PHF3: variants seen among roughly 807,000 people sequenced by gnomAD.
PHF3 encodes PHD finger protein 3.
Under a neutral mutation model 178.4 loss-of-function variants are expected in PHF3, and 41 were observed. That is an observed-to-expected ratio of 0.23 (90% CI 0.18 to 0.30). The LOEUF is 0.30. Ranked by LOEUF, PHF3 falls within the 10% of genes least tolerant of loss-of-function variation. The pLI is 1.00. For synonymous variants in PHF3, 842 were observed against 800.5 expected, an observed-to-expected ratio of 1.05 and a Z score of -0.88; for missense variants, 2,346 against 2,398.1, an observed-to-expected ratio of 0.98 and a Z score of 0.45.
chr6:63,706,707 G>C, intron 12 of PHF3, 22 bp from the exon 13 acceptor site: 1 of 1,609,640 alleles, frequency 6.2e-7, no homozygotes, highest in Non-Finnish European at 8.5e-7. Context: ...TTGTCTTTAG[G>C]CTTTTTAATG....
intron 2 of PHF3, among the ~76,000 whole-genome samples, chr6:63,674,681 A>G (rs1368537430): frequency 1.3e-5 from 2 of 152,086 alleles, no homozygotes; most frequent in East Asian, 1.9e-4. Context: ...TTTTCTTACT[A>G]TACTTAACAC....
chr6:63,716,558 A>G lies in PHF3; in HGVS notation c.*2850A>G, dbSNP rs962199239. Among the ~76,000 whole-genome samples, 5 of 152,080 alleles carry G rather than the reference A, an allele frequency of 3.3e-5. No individual in the cohort carries two copies. The highest frequency in any genetic ancestry group is 1.2e-4 in the African/African-American group (5 of 41,410). On this transcript the variant is annotated 3_prime_UTR_variant, in exon 16 of 16. Transcript: ENST00000262043. ...ATTACTACAAGTGTAGTGGCTTAAA[A>G]CCACACAAATTTATGATCTTACGGT...
intron 2 of PHF3, among the ~76,000 whole-genome samples, chr6:63,653,293 G>T (rs561230905): frequency 3.3e-5 from 5 of 151,674 alleles, no homozygotes; most frequent in African/African-American, 1.2e-4. Context: ...AGGTAATGTG[G>T]TCATTTTCAC....
At position 63,676,319 on chromosome 6, in the gene PHF3, G is replaced by A. The variant is rs577131120; in HGVS notation, c.245-3681G>A. On this transcript the variant is annotated intron_variant, in intron 2 of 15. Transcript: ENST00000262043. ...GTGCAGCTTACACTCTAGTGGAGAAGACTGTCAGATACTTAATGTCATATA... is the reference window on the plus strand; with the variant it reads ...GTGCAGCTTACACTCTAGTGGAGAAAACTGTCAGATACTTAATGTCATATA... Among the ~76,000 whole-genome samples, 9 of 152,328 alleles carry A rather than the reference G, an allele frequency of 5.9e-5. 1 individual carries two copies. The East Asian group carries it at 1.3e-3, about 23-fold the overall frequency.
chr6:63,649,343 GT>G (rs1764926752), intron 2 of PHF3, among the ~76,000 whole-genome samples: 2 of 152,058 alleles, frequency 1.3e-5, no homozygotes, highest in South Asian at 2.1e-4. Context: ...AAACAACATA[GT>G]TCTTGCCCAG....
chr6:63,644,117 A>G (rs1205609598), intron 1 of PHF3, among the ~76,000 whole-genome samples: 2 of 152,182 alleles, frequency 1.3e-5, no homozygotes, highest in Admixed American at 6.5e-5. Flanking sequence ...TAACAAGTGC[A>G]TTTACTTTTT....
At chr6:63,641,524 G>GTGTA (rs758583511) in intron 1 of PHF3, among the ~76,000 whole-genome samples, 1 of 114,734 alleles carries the variant, frequency 8.7e-6, no homozygotes, top group Non-Finnish European at 1.7e-5. Flanking sequence ...ATTGTTAGGT[G>GTGTA]TGTATGTGTG....
intron 2 of PHF3, among the ~76,000 whole-genome samples, chr6:63,650,930 G>T (rs1429926550): frequency 6.6e-6 from 1 of 151,784 alleles, no homozygotes; most frequent in East Asian, 1.9e-4. Context: ...GGGGTTGGTG[G>T]GGCTATTTGT....
At chr6:63,658,131 G>A (rs914703104) in intron 2 of PHF3, among the ~76,000 whole-genome samples, 3 of 152,150 alleles carry the variant, frequency 2.0e-5, no homozygotes, top group Non-Finnish European at 4.4e-5. Flanking sequence ...AAGGCTTTCA[G>A]TTAATCCTTA....
chr6:63,713,552 T>G lies in PHF3; in HGVS notation c.5964T>G (p.Asp1988Glu), dbSNP rs750317666. ...DRGTDGKASR[D>E]SRNVDKKPDK... ...GAACAGATGGAAAAGCAAGCAGAGA[T>G]AGTAGGAATGTAGACAAGAAGCCAG... is the stretch of plus-strand genomic sequence containing the variant. The change falls in exon 16 of 16, where the codon GAT becomes GAG. Residue 1988 changes from aspartate (D) to glutamate (E), a missense_variant. By Grantham distance (45) the Asp-to-Glu change is conservative. This residue lies in a region of PHF3 where 839 missense variants were observed against 806.9 expected (regional missense o/e 1.04). Coordinates refer to ENST00000262043, the MANE Select transcript of PHF3 (RefSeq NM_001370348.2). 2 of 1,612,952 alleles carry G rather than the reference T, an allele frequency of 1.2e-6. No homozygotes were observed. Among genetic ancestry groups the G allele is most frequent in the Non-Finnish European group, 1.7e-6 (2 of 1,179,704 alleles).
chr6:63,647,722 TA>T (rs1764850287), intron 2 of PHF3, among the ~76,000 whole-genome samples: 1 of 152,210 alleles, frequency 6.6e-6, no homozygotes, highest in Non-Finnish European at 1.5e-5. Flanking sequence ...TGTTAATGTA[TA>T]AAAAACAGTT....
intron 11 of PHF3, among the ~76,000 whole-genome samples, chr6:63,704,906 G>T (rs2149604996): frequency 6.6e-6 from 1 of 152,302 alleles, no homozygotes; most frequent in East Asian, 1.9e-4. Flanking sequence ...ATGAATGAGA[G>T]TTCCTGTTGC....
Position 63,713,943 on chromosome 6 carries a change from A to G in PHF3, c.*235A>G, listed in dbSNP as rs1024287195. On this transcript the variant is annotated 3_prime_UTR_variant, in exon 16 of 16. Transcript: ENST00000262043. ...AATTTAATATTTTTAAAAGTTTTAC[A>G]TTGCTGTATATTCAAAGATTTGTTT... 1.7e-5 allele frequency: 6 copies of G among 363,436 alleles called. No homozygotes were observed. Among genetic ancestry groups the G allele is most frequent in the Non-Finnish European group, 2.9e-5 (6 of 204,888 alleles). 22.5% of individuals were successfully genotyped at this position (363,436 alleles called of 1,614,324 possible).
chr6:63,656,793 A>G (rs1765253841), intron 2 of PHF3, among the ~76,000 whole-genome samples: 1 of 152,210 alleles, frequency 6.6e-6, no homozygotes, highest in East Asian at 1.9e-4. Flanking sequence ...CATAGAATCC[A>G]AAGTTGAATA....
chr6:63,704,274 C>T (rs918896047), intron 11 of PHF3, among the ~76,000 whole-genome samples: 4 of 152,130 alleles, frequency 2.6e-5, no homozygotes, highest in South Asian at 4.1e-4. Context: ...TTTACATTGG[C>T]GTTCACTCTT....
rs1764803861 is a variant in PHF3, at chr6:63,646,807, T to C, written c.244+12T>C. On this transcript the variant is annotated intron_variant, in intron 2 of 15. Transcript: ENST00000262043. ...GCCTTGTTCAACAGGTAATTCTTACTTTTTTTTTTTTTTTTTTTTTTAGTC... is the reference window on the plus strand; with the variant it reads ...GCCTTGTTCAACAGGTAATTCTTACCTTTTTTTTTTTTTTTTTTTTTAGTC... The C allele has an allele frequency of 9.1e-6, 1 of 109,706 alleles. No individual in the cohort carries two copies. The highest frequency in any genetic ancestry group is 1.1e-5 in the Non-Finnish European group (1 of 88,586). 6.8% of individuals were successfully genotyped at this position (109,706 alleles called of 1,614,324 possible).
chr6:63,703,428 T>C, intron 10 of PHF3, 108 bp from the exon 11 acceptor site: 1 of 1,146,442 alleles, frequency 8.7e-7, no homozygotes, highest in South Asian at 1.5e-5. Context: ...AACTTATCTA[T>C]GGAACAACTG....
At chr6:63,639,907 A>G (rs1037838867) in intron 1 of PHF3, among the ~76,000 whole-genome samples, 8 of 152,206 alleles carry the variant, frequency 5.3e-5, no homozygotes, top group Non-Finnish European at 1.0e-4. Flanking sequence ...CAGTTATGAT[A>G]TAATGCCAAT....
intron 1 of PHF3, among the ~76,000 whole-genome samples, chr6:63,643,031 A>G (rs1764642180): frequency 1.3e-5 from 2 of 152,156 alleles, no homozygotes; most frequent in Admixed American, 1.3e-4. Context: ...ACATAAAGCT[A>G]GTGCCTTTAT....
Sources: gnomAD v4.1 joint callset for allele counts (sites outside exome capture counted in the v4.1 genomes callset) on GRCh38, gnomAD v4.1.1 for gene constraint, gnomAD v4.1.1 regional missense constraint, MANE v1.5 for transcripts, NCBI Gene and HGNC (gene_info 2026-07-23, HGNC 2026-07-21) for gene names.